The following AIDA variants were observed in gnomAD, a reference collection of about 807,000 sequenced individuals.
The protein encoded by AIDA is axin interactor, dorsalization-associated protein.
AIDA carries 18 observed loss-of-function variants against 42.7 expected under a neutral mutation model. The ratio of observed to expected loss-of-function variants is 0.42; its 90% confidence interval spans 0.29 to 0.63. The LOEUF (loss-of-function observed/expected upper bound fraction) is 0.63. Among genes scored for constraint, AIDA ranks in the 20% least tolerant of loss-of-function variants. The pLI is 0.19. For synonymous variants in AIDA, 104 were observed against 122.9 expected, an observed-to-expected ratio of 0.85 and a Z score of 1.02; for missense variants, 250 against 354.1, an observed-to-expected ratio of 0.71 and a Z score of 2.36.
chr1:222,702,023 C>CAA (rs35462872), intron 2 of AIDA, among the ~76,000 whole-genome samples: 5 of 129,694 alleles, frequency 3.9e-5, no homozygotes, highest in African/African-American at 9.2e-5. Flanking sequence ...CACACCCAGC[C>CAA]AAAAAAAAAA....
chr1:222,700,575 T>G (rs1412032248), intron 2 of AIDA, among the ~76,000 whole-genome samples: 1 of 151,762 alleles, frequency 6.6e-6, no homozygotes, highest in Non-Finnish European at 1.5e-5. Flanking sequence ...GGCTAACACG[T>G]GAAACCCTGT....
intron 1 of AIDA, 22 bp from the exon 2 acceptor site, chr1:222,703,239 T>C (rs751593823): frequency 1.3e-6 from 2 of 1,580,168 alleles, no homozygotes; most frequent in Non-Finnish European, 8.6e-7. Flanking sequence ...AAACATATTC[T>C]TTAGAATGGA....
chr1:222,688,345 T>G (rs1655256713), intron 4 of AIDA, among the ~76,000 whole-genome samples: 2 of 152,126 alleles, frequency 1.3e-5, no homozygotes, highest in South Asian at 2.1e-4. Flanking sequence ...ATGATAAAAT[T>G]TATTATACTG....
At position 222,676,127 on chromosome 1, in the gene AIDA, G is replaced by A. The variant is rs947829665; in HGVS notation, c.552C>T (p.Cys184=). The A allele has an allele frequency of 4.3e-6, 7 of 1,611,422 alleles. No individual in the cohort carries two copies. The highest frequency in any genetic ancestry group is 2.7e-5 in the African/African-American group (2 of 74,796). The change falls in exon 7 of 10, where the codon TGC becomes TGT. Residue 184 remains cysteine (C), a synonymous_variant. Coordinates refer to ENST00000340020, the MANE Select transcript of AIDA (RefSeq NM_022831.4). ...CACTAACTGTAATATAGGGATCGATGCACTGCCCAGCATCTTTCAAACCAA... is the reference window on the plus strand; with the variant it reads ...CACTAACTGTAATATAGGGATCGATACACTGCCCAGCATCTTTCAAACCAA... ...EKIGLKDAGQ[C]IDPYITVSVK...
chr1:222,689,528 TACACACAC>T (rs531432390), intron 4 of AIDA, among the ~76,000 whole-genome samples: 2 of 76,418 alleles, frequency 2.6e-5, no homozygotes, highest in African/African-American at 8.3e-5. Context: ...TATACACACA[TACACACAC>T]ACACATATAT....
At chr1:222,705,093 A>G (rs1456076356) in intron 1 of AIDA, among the ~76,000 whole-genome samples, 1 of 152,228 alleles carries the variant, frequency 6.6e-6, no homozygotes, top group East Asian at 1.9e-4. Context: ...ATCCTCCTTA[A>G]CATAAGGCAA....
chr1:222,673,701 C>A (rs1664491422), intron 7 of AIDA, among the ~76,000 whole-genome samples: 1 of 151,846 alleles, frequency 6.6e-6, no homozygotes, highest in East Asian at 1.9e-4. Context: ...TGGCGTGAAC[C>A]CAGGAGGCGG....
Position 222,670,247 on chromosome 1 carries a change from G to A in AIDA, c.710C>T (p.Ala237Val). The stretch of plus-strand genomic sequence containing the variant: ...GTGTTTGAATTCAAAGAAGATAGCT[G>A]CACCTAAGGAATTAAAACAAGCCAC... ...QKHVEKLTKG[A>V]AIFFEFKHYK... The change falls in exon 9 of 10, where the codon GCA (alanine) becomes GTA (valine). Residue 237 changes from alanine to valine, a missense_variant. Transcript: ENST00000340020. 2 of 1,612,272 alleles carry A rather than the reference G, an allele frequency of 1.2e-6. No individual in the cohort carries two copies.
intron 1 of AIDA, among the ~76,000 whole-genome samples, chr1:222,705,521 C>T (rs1185073202): frequency 2.6e-5 from 4 of 152,160 alleles, no homozygotes; most frequent in Admixed American, 1.3e-4. Flanking sequence ...TGTAATTCTA[C>T]ACTCCTGTTC....
At chr1:222,677,106 A>G (rs181651331) in intron 6 of AIDA, among the ~76,000 whole-genome samples, 55 of 152,218 alleles carry the variant, frequency 3.6e-4, no homozygotes, top group Admixed American at 1.1e-3. Context: ...CAAAAGTCTT[A>G]TACTTCTTTT....
rs114085036 is a variant in AIDA at position 222,683,212 on chromosome 1, C to T, written c.460+3718G>A. 1.7e-3 allele frequency among the ~76,000 whole-genome samples: 254 copies of T among 152,246 alleles called. 2 individuals are homozygous for T. Among genetic ancestry groups the T allele is most frequent in the African/African-American group, 5.8e-3 (239 of 41,556 alleles). The stretch of plus-strand genomic sequence containing the variant: ...ACCTGATTAAAGTTGTTTGTAAACA[C>T]AACCATACACTTCAGATGATATTAA... On this transcript the variant is annotated intron_variant, in intron 6 of 9. Coordinates refer to ENST00000340020, the MANE Select transcript of AIDA (RefSeq NM_022831.4).
chr1:222,689,673 C>T (rs552909453), intron 4 of AIDA, among the ~76,000 whole-genome samples: 2 of 148,934 alleles, frequency 1.3e-5, no homozygotes, highest in Admixed American at 1.3e-4. Flanking sequence ...AATGATATTA[C>T]AAAAGAGTCA....
Position 222,694,199 on chromosome 1 carries a change from A to G in AIDA, c.234+11T>C, listed in dbSNP as rs1309638570. 1 of 1,604,306 alleles carries G rather than the reference A, an allele frequency of 6.2e-7. No homozygotes were observed. The highest frequency in any genetic ancestry group is 2.2e-5 in the East Asian group (1 of 44,640). Reference sequence around the variant, plus strand: ...ATTTTCCTTGTATTACAGAAGAGAAAAACTCCTTACCTGTAAAGCTGCACT... The same window carrying G: ...ATTTTCCTTGTATTACAGAAGAGAAGAACTCCTTACCTGTAAAGCTGCACT... On this transcript the variant is annotated intron_variant, in intron 3 of 9. Transcript: ENST00000340020.
At chr1:222,690,817 T>A (rs2378597) in intron 4 of AIDA, among the ~76,000 whole-genome samples, 62,244 of 151,960 alleles carry the variant, frequency 0.41, 15,142 homozygotes, top group Non-Finnish European at 0.53. Context: ...GAAAGAACTC[T>A]GAGGCTGGTG....
intron 4 of AIDA, among the ~76,000 whole-genome samples, chr1:222,689,992 C>T (rs2124959518): frequency 6.6e-6 from 1 of 152,214 alleles, no homozygotes; most frequent in South Asian, 2.1e-4. Flanking sequence ...AGATAGGTTA[C>T]ATACATAAAA....
intron 2 of AIDA, among the ~76,000 whole-genome samples, chr1:222,700,977 G>C (rs978683792): frequency 6.8e-6 from 1 of 146,212 alleles, no homozygotes; most frequent in Non-Finnish European, 1.5e-5. Context: ...TTTTTGGGGG[G>C]GGGGGGACAG....
In AIDA at chr1:222,686,916, T is replaced by C. The variant is rs765406584; in HGVS notation, c.460+14A>G. 6.2e-7 allele frequency: 1 copy of C among 1,609,382 alleles called. No homozygotes were observed. Among genetic ancestry groups the C allele is most frequent in the Non-Finnish European group, 8.5e-7 (1 of 1,178,632 alleles). On this transcript the variant is annotated intron_variant, in intron 6 of 9. Coordinates refer to ENST00000340020, the MANE Select transcript of AIDA (RefSeq NM_022831.4). ...GCAGTTAAATAATGTTTATTTTTAA[T>C]AAGTGATACCTACCGGGAACTCTAG...
chr1:222,681,965 GA>G (rs1170834173), intron 6 of AIDA, among the ~76,000 whole-genome samples: 1 of 152,186 alleles, frequency 6.6e-6, no homozygotes, highest in Admixed American at 6.5e-5. Flanking sequence ...TCCCAGCAAG[GA>G]GTAGGATCTT....
intron 7 of AIDA, among the ~76,000 whole-genome samples, chr1:222,675,006 T>C (rs536050189): frequency 6.6e-6 from 1 of 152,330 alleles, no homozygotes; most frequent in Non-Finnish European, 1.5e-5. Flanking sequence ...TACTTTCCAG[T>C]AGGCCATATA....
Sources: allele counts gnomAD v4.1 joint callset (sites outside exome capture counted in the v4.1 genomes callset), GRCh38; gene constraint gnomAD v4.1.1; transcripts MANE v1.5; gene names NCBI Gene and HGNC (gene_info 2026-07-23, HGNC 2026-07-21).